The following WWP2 variants were observed in gnomAD, a reference collection of about 807,000 sequenced individuals.
The protein encoded by WWP2 is NEDD4-like E3 ubiquitin-protein ligase WWP2.
A neutral mutation model predicts 121.0 loss-of-function variants in WWP2; 57 were observed. The observed-to-expected ratio is 0.47, with a 90% CI of 0.38 to 0.59. WWP2 has a LOEUF of 0.59. Ranked by LOEUF, WWP2 falls within the 20% of genes least tolerant of loss-of-function variation. The pLI is 0.00. For missense variants in WWP2, 962 were observed against 1,158.9 expected, an observed-to-expected ratio of 0.83 and a Z score of 2.47; for synonymous variants, 449 against 441.3, an observed-to-expected ratio of 1.02 and a Z score of -0.22.
chr16:69,880,126 A>G (rs1198255234), intron 7 of WWP2, among the ~76,000 whole-genome samples: 1 of 150,886 alleles, frequency 6.6e-6, no homozygotes, highest in Non-Finnish European at 1.5e-5. Context: ...ATGTGTCACT[A>G]TAATATATAA....
At chr16:69,782,139 T>A (rs933339753) in intron 1 of WWP2, among the ~76,000 whole-genome samples, 1 of 151,984 alleles carries the variant, frequency 6.6e-6, no homozygotes, top group Non-Finnish European at 1.5e-5. Flanking sequence ...AGAAATTAGC[T>A]GGGCGTGTTA....
At chr16:69,918,035 T>A (rs2058502232) in intron 10 of WWP2, 152 bp downstream of exon 10, 1 of 1,048,628 alleles carries the variant, frequency 9.5e-7, no homozygotes, top group Admixed American at 2.8e-5. Context: ...CTCATCACAG[T>A]GAAATTCCTC....
At position 69,822,823 on chromosome 16, in the gene WWP2, T is replaced by C. The variant is rs531550847; in HGVS notation, c.341-17303T>C. 3.9e-5 allele frequency among the ~76,000 whole-genome samples: 6 copies of C among 152,222 alleles called. No homozygotes were observed. The South Asian group carries it at 1.2e-3, about 32-fold the overall frequency. On this transcript the variant is annotated intron_variant, in intron 4 of 23. Coordinates refer to ENST00000359154, the MANE Select transcript of WWP2 (RefSeq NM_001270454.2). ...GGTGTGTGTATAATTTAGAATTTGC[T>C]ACTAGCCATATTAAAAATAAGTCAA...
chr16:69,837,490 A>T (rs1480645442), intron 4 of WWP2, among the ~76,000 whole-genome samples: 4 of 152,196 alleles, frequency 2.6e-5, no homozygotes, highest in Non-Finnish European at 5.9e-5. Context: ...GCTAACTTGG[A>T]TCCCTGAGAT....
intron 6 of WWP2, among the ~76,000 whole-genome samples, chr16:69,844,590 T>A (rs2057035606): frequency 1.3e-5 from 2 of 152,242 alleles, no homozygotes; most frequent in Non-Finnish European, 2.9e-5. Flanking sequence ...TCAGAGATCC[T>A]GTTAAACCTC....
intron 7 of WWP2, among the ~76,000 whole-genome samples, chr16:69,884,309 A>T (rs1015985863): frequency 6.6e-6 from 1 of 152,136 alleles, no homozygotes; most frequent in South Asian, 2.1e-4. Flanking sequence ...CCAGCCAAGG[A>T]TGGGGACAAT....
At chr16:69,928,708 G>A (rs1171552779) in intron 11 of WWP2, among the ~76,000 whole-genome samples, 3 of 152,058 alleles carry the variant, frequency 2.0e-5, no homozygotes, top group South Asian at 2.1e-4. Context: ...CCAGGAGTTC[G>A]AGACCAGCCA....
intron 2 of WWP2, among the ~76,000 whole-genome samples, chr16:69,789,385 G>A (rs1029358992): frequency 6.6e-6 from 1 of 152,016 alleles, no homozygotes; most frequent in Non-Finnish European, 1.5e-5. Context: ...GTGTGCCACC[G>A]CGCCTGGCTA....
At chr16:69,823,445 T>G (rs2056628604) in intron 4 of WWP2, among the ~76,000 whole-genome samples, 2 of 152,010 alleles carry the variant, frequency 1.3e-5, no homozygotes, top group Non-Finnish European at 2.9e-5. Flanking sequence ...ATTTACAAAT[T>G]TTTTGATTTA....
intron 1 of WWP2, among the ~76,000 whole-genome samples, chr16:69,764,765 C>T (rs913240751): frequency 2.0e-5 from 3 of 152,130 alleles, no homozygotes; most frequent in African/African-American, 7.2e-5. Flanking sequence ...ATGCTGTGAG[C>T]ATAAAATACA....
chr16:69,827,308 G>A (rs1170274438), intron 4 of WWP2, among the ~76,000 whole-genome samples: 1 of 151,550 alleles, frequency 6.6e-6, no homozygotes, highest in Non-Finnish European at 1.5e-5. Flanking sequence ...TTAGTAATAG[G>A]GTGCATTCTA....
intron 4 of WWP2, among the ~76,000 whole-genome samples, chr16:69,821,335 A>T (rs1284710870): frequency 6.6e-6 from 1 of 152,192 alleles, no homozygotes; most frequent in African/African-American, 2.4e-5. Context: ...TGTTGGAAAG[A>T]AAAGGTCCTT....
intron 6 of WWP2, among the ~76,000 whole-genome samples, chr16:69,844,520 A>T (rs996506271): frequency 2.0e-5 from 3 of 151,830 alleles, no homozygotes; most frequent in African/African-American, 7.3e-5. Flanking sequence ...ACAAGTTTGG[A>T]TCTAAATTCT....
chr16:69,897,277 AT>A (rs1381215435), intron 8 of WWP2, among the ~76,000 whole-genome samples: 1 of 151,804 alleles, frequency 6.6e-6, no homozygotes, highest in East Asian at 1.9e-4. Flanking sequence ...TAATTTTTAT[AT>A]TTTTTGTAGA....
rs2058775703 is a variant in WWP2, at chr16:69,935,065, C to T, written c.1843-788C>T. Reference sequence around the variant, plus strand: ...GAAAGGGAGGTCCTGCCACGTGCCCCGTTGAGGGTCCTGGGAGCGTGGAGA... The same window carrying T: ...GAAAGGGAGGTCCTGCCACGTGCCCTGTTGAGGGTCCTGGGAGCGTGGAGA... On this transcript the variant is annotated intron_variant, in intron 17 of 23. Transcript: ENST00000359154. The surrounding 1 kb of genome is among the most constrained non-coding windows in gnomAD (Gnocchi z 5.2). Among the ~76,000 whole-genome samples, 1 of 152,162 alleles carries T rather than the reference C, an allele frequency of 6.6e-6. No individual in the cohort carries two copies. Among genetic ancestry groups the T allele is most frequent in the African/African-American group, 2.4e-5 (1 of 41,432 alleles).
rs1166046588 is a variant in WWP2, at chr16:69,867,896, G to A, written c.576-3908G>A. Among the ~76,000 whole-genome samples the A allele has an allele frequency of 2.6e-5, 4 of 152,306 alleles. No homozygotes were observed. In the East Asian group the frequency reaches 7.7e-4, roughly 29 times the overall value. On this transcript the variant is annotated intron_variant, in intron 6 of 23. Transcript: ENST00000359154. ...TGAAGTCATGGGCAGAGCCGAGCCT[G>A]GCTGTCTCAGCCATCACCCTGCATT...
intron 1 of WWP2, among the ~76,000 whole-genome samples, chr16:69,778,807 T>C (rs1399440655): frequency 6.7e-6 from 1 of 149,242 alleles, no homozygotes; most frequent in African/African-American, 2.5e-5. Flanking sequence ...TCCTCGCTAA[T>C]TTTTGTATTT....
intron 14 of WWP2, 73 bp from the exon 15 acceptor site, chr16:69,931,436 C>T (rs2058710473): frequency 6.3e-7 from 1 of 1,592,792 alleles, no homozygotes; most frequent in Non-Finnish European, 8.6e-7. Context: ...TGGGGAATGC[C>T]TGTTCATACA....
At chr16:69,840,366 G>T in intron 5 of WWP2, 103 bp downstream of exon 5, 1 of 1,512,932 alleles carries the variant, frequency 6.6e-7, no homozygotes. Flanking sequence ...ATCTTGGTTT[G>T]ATTCCCACTC....
Sources: gnomAD v4.1 joint callset for allele counts (sites outside exome capture counted in the v4.1 genomes callset) on GRCh38, gnomAD v4.1.1 for gene constraint, Gnocchi (gnomAD v3.1) non-coding constraint, MANE v1.5 for transcripts, NCBI Gene and HGNC (gene_info 2026-07-23, HGNC 2026-07-21) for gene names.